Variants in NAALADL2 observed in about 807,000 individuals in gnomAD.
NAALADL2 encodes inactive N-acetylated-alpha-linked acidic dipeptidase-like protein 2.
NAALADL2 carries 76 observed loss-of-function variants against 87.2 expected under a neutral mutation model. The ratio of observed to expected loss-of-function variants is 0.87; its 90% CI spans 0.72 to 1.05. The LOEUF is 1.05. Ranked by LOEUF, NAALADL2 falls within the 50% of genes least tolerant of loss-of-function variation. NAALADL2 has a pLI of 0.00. For synonymous variants in NAALADL2, 354 were observed against 331.0 expected (o/e 1.07, Z -0.75); for missense variants, 1,089 against 945.8 (o/e 1.15, Z -1.99).
chr3:175,163,993 G>A (rs1299239416), intron 2 of NAALADL2, among the ~76,000 whole-genome samples: 2 of 152,170 alleles, frequency 1.3e-5, no homozygotes, highest in East Asian at 3.9e-4. Context: ...TTGTATTGAA[G>A]TTCATAAAGT....
chr3:175,215,118 G>C (rs532375668), intron 2 of NAALADL2, among the ~76,000 whole-genome samples: 2 of 151,992 alleles, frequency 1.3e-5, no homozygotes, highest in Non-Finnish European at 2.9e-5. Flanking sequence ...TCTGAAATCA[G>C]TCACTATTGA....
At chr3:174,721,116 T>C (rs1731673288) in intron 2 of NAALADL2, among the ~76,000 whole-genome samples, 1 of 150,974 alleles carries the variant, frequency 6.6e-6, no homozygotes, top group Admixed American at 6.6e-5. Context: ...GAGTACCCTA[T>C]ATTAACATGT....
At chr3:174,567,447 T>A (rs1293606992) in intron 2 of NAALADL2, among the ~76,000 whole-genome samples, 1 of 151,532 alleles carries the variant, frequency 6.6e-6, no homozygotes, top group Non-Finnish European at 1.5e-5. Context: ...GCACTGAACT[T>A]CTAATTAGAG....
At chr3:174,963,947 G>A (rs1254523287) in intron 1 of NAALADL2, among the ~76,000 whole-genome samples, 1 of 151,694 alleles carries the variant, frequency 6.6e-6, no homozygotes, top group Non-Finnish European at 1.5e-5. Context: ...AATGTTGAAG[G>A]TCAAAATTAT....
chr3:174,792,592 C>T (rs1462055483), intron 3 of NAALADL2, among the ~76,000 whole-genome samples: 1 of 152,126 alleles, frequency 6.6e-6, no homozygotes, highest in Non-Finnish European at 1.5e-5. Context: ...AGTGACCCTT[C>T]TGGTATGGCA....
chr3:175,634,325 A>T (rs1728210247), intron 11 of NAALADL2, among the ~76,000 whole-genome samples: 1 of 151,904 alleles, frequency 6.6e-6, no homozygotes, highest in Non-Finnish European at 1.5e-5. Context: ...TGAATTATTT[A>T]AAAATGTCAT....
chr3:174,513,034 T>A (rs1719706164), intron 1 of NAALADL2, among the ~76,000 whole-genome samples: 1 of 151,788 alleles, frequency 6.6e-6, no homozygotes, highest in Non-Finnish European at 1.5e-5. Context: ...TGATCTTGGC[T>A]CACTGCAACC....
chr3:174,747,621 CAAAAA>C (rs150843588), intron 3 of NAALADL2, among the ~76,000 whole-genome samples: 2 of 38,660 alleles, frequency 5.2e-5, no homozygotes, highest in African/African-American at 2.3e-4. Context: ...GACCCCATCT[CAAAAA>C]AAAAAAAAAA....
At chr3:174,448,968 T>C (rs964125093) in intron 1 of NAALADL2, among the ~76,000 whole-genome samples, 2 of 152,180 alleles carry the variant, frequency 1.3e-5, no homozygotes, top group Admixed American at 1.3e-4. Context: ...TGGATCAATA[T>C]CTATGTTAAT....
chr3:174,864,167 G>A, intron 1 of NAALADL2: 1 of 428,052 alleles, frequency 2.3e-6, no homozygotes, highest in Non-Finnish European at 4.7e-6. Flanking sequence ...AGGTACAAGA[G>A]AGGGTCTTTG....
intron 1 of NAALADL2, among the ~76,000 whole-genome samples, chr3:175,031,871 T>C (rs749465935): frequency 2.0e-5 from 3 of 152,106 alleles, no homozygotes; most frequent in Non-Finnish European, 4.4e-5. Context: ...ATGTTAGTGA[T>C]GTTGAGCATT....
intron 2 of NAALADL2, among the ~76,000 whole-genome samples, chr3:175,182,428 C>T (rs1360104437): frequency 1.3e-5 from 2 of 151,894 alleles, no homozygotes; most frequent in Non-Finnish European, 2.9e-5. Context: ...CTCTCTGTCA[C>T]CCAGGCTGGA....
intron 13 of NAALADL2, among the ~76,000 whole-genome samples, chr3:175,799,633 TTCAG>T (rs532051513): frequency 6.6e-6 from 1 of 152,152 alleles, no homozygotes; most frequent in Non-Finnish European, 1.5e-5. Context: ...AATTCTACAG[TTCAG>T]TCAAAGTTTC....
chr3:175,577,288 C>G (rs6784858), intron 10 of NAALADL2, among the ~76,000 whole-genome samples: 1 of 151,952 alleles, frequency 6.6e-6, no homozygotes, highest in Admixed American at 6.6e-5. Flanking sequence ...GAGACTATGC[C>G]TGTAGAGGGT....
At chr3:174,652,145 C>G (rs565270297) in intron 2 of NAALADL2, among the ~76,000 whole-genome samples, 36 of 152,230 alleles carry the variant, frequency 2.4e-4, no homozygotes, top group African/African-American at 8.4e-4. Context: ...TTAGTATCCT[C>G]GCAGCACTCA....
chr3:175,483,399 C>T (rs1259705519), intron 9 of NAALADL2, among the ~76,000 whole-genome samples: 1 of 147,086 alleles, frequency 6.8e-6, no homozygotes, highest in Non-Finnish European at 1.5e-5. Flanking sequence ...GACTTCTTTG[C>T]TAATATTTTT....
At chr3:174,603,248 T>C (rs1424001493) in intron 2 of NAALADL2, among the ~76,000 whole-genome samples, 1 of 152,086 alleles carries the variant, frequency 6.6e-6, no homozygotes, top group East Asian at 1.9e-4. Flanking sequence ...CAAGTTTTTC[T>C]TTGCTGAGAG....
chr3:174,793,022 T>C (rs764553181), intron 3 of NAALADL2, among the ~76,000 whole-genome samples: 1 of 152,168 alleles, frequency 6.6e-6, no homozygotes, highest in Non-Finnish European at 1.5e-5. Flanking sequence ...GTCATAAGCA[T>C]TGAAATATGA....
intron 2 of NAALADL2, among the ~76,000 whole-genome samples, chr3:174,627,969 A>G (rs1721738103): frequency 6.6e-6 from 1 of 152,210 alleles, no homozygotes; most frequent in Non-Finnish European, 1.5e-5. Flanking sequence ...TGAGGGATGT[A>G]ATACTATGTA....
Sources: gnomAD v4.1 joint callset for allele counts (sites outside exome capture counted in the v4.1 genomes callset) on GRCh38, gnomAD v4.1.1 for gene constraint, MANE v1.5 for transcripts, NCBI Gene and HGNC (gene_info 2026-07-23, HGNC 2026-07-21) for gene names.